MAP2: variants seen among roughly 807,000 people sequenced by gnomAD.
MAP2 encodes the protein microtubule associated protein 2, also known as microtubule-associated protein 2.
In MAP2, 14 loss-of-function variants were observed where a neutral mutation model predicts 137.6. That is an observed-to-expected ratio of 0.10 (90% confidence interval 0.07 to 0.16). MAP2 has a LOEUF of 0.16. Among genes scored for constraint, MAP2 ranks in the 10% least tolerant of loss-of-function variants. MAP2 has a pLI of 1.00. For synonymous variants in MAP2, 786 were observed against 782.3 expected (o/e 1.00, Z -0.08); for missense variants, 2,088 against 2,191.5 (o/e 0.95, Z 0.94).
At chr2:209,602,827 A>C (rs1334811278) in intron 3 of MAP2, among the ~76,000 whole-genome samples, 1 of 152,174 alleles carries the variant, frequency 6.6e-6, no homozygotes, top group East Asian at 1.9e-4. Context: ...AATATTACAC[A>C]TTATAATTCT....
At chr2:209,572,391 A>G (rs2074543964) in intron 2 of MAP2, among the ~76,000 whole-genome samples, 1 of 152,078 alleles carries the variant, frequency 6.6e-6, no homozygotes, top group East Asian at 1.9e-4. Flanking sequence ...AGTTCAGTGG[A>G]GATACTAAAT....
At chr2:209,617,149 C>A (rs541318309) in intron 3 of MAP2, among the ~76,000 whole-genome samples, 1 of 151,942 alleles carries the variant, frequency 6.6e-6, no homozygotes, top group African/African-American at 2.4e-5. Context: ...CTATGACCCA[C>A]CTTAAGGAAC....
intron 4 of MAP2, among the ~76,000 whole-genome samples, chr2:209,631,034 AAGAGAG>A (rs869180815): frequency 3.0e-5 from 3 of 100,662 alleles, no homozygotes; most frequent in African/African-American, 1.9e-4. Flanking sequence ...AAAAAAAAAA[AAGAGAG>A]AGAGAGAGCG....
At chr2:209,456,384 G>A (rs1031814007) in intron 1 of MAP2, among the ~76,000 whole-genome samples, 1 of 152,132 alleles carries the variant, frequency 6.6e-6, no homozygotes, top group African/African-American at 2.4e-5. Flanking sequence ...GCCAGTTTAA[G>A]GTAATGTACC....
rs2075893485 is a variant in MAP2 at position 209,732,424 on chromosome 2, A to T, written c.*2027A>T. ...CTATAAATCAGTTATTTTATATGAC[A>T]GTCAAAACCTTAGAAACCTTAGGAT... On this transcript the variant is annotated 3_prime_UTR_variant, in exon 16 of 16. Coordinates refer to ENST00000682079, the MANE Select transcript of MAP2 (RefSeq NM_001375505.1). 1 of 152,248 alleles carries T rather than the reference A, an allele frequency of 6.6e-6. No homozygotes were observed. Among genetic ancestry groups the T allele is most frequent in the Non-Finnish European group, 1.5e-5 (1 of 68,050 alleles). The allele number at this position is 152,248 out of a possible 1,614,324, so 9.4% of individuals were successfully genotyped here.
intron 2 of MAP2, among the ~76,000 whole-genome samples, chr2:209,508,589 CA>C (rs2061362064): frequency 1.3e-4 from 2 of 15,116 alleles, no homozygotes; most frequent in African/African-American, 1.6e-4. Context: ...CTGTCCCACA[CA>C]CACACACACA....
In MAP2 at chr2:209,695,906, G is replaced by A. The variant is rs748992786; in HGVS notation, c.3736G>A (p.Asp1246Asn). The change falls in exon 8 of 16, where the codon GAT becomes AAT. Residue 1246 changes from aspartate (D) to asparagine (N), a missense_variant. By Grantham distance (23) the Asp-to-Asn change is conservative (BLOSUM62 1). This residue lies in a region of MAP2 where 591 missense variants were observed against 642.6 expected (regional missense o/e 0.92). Transcript: ENST00000682079. ...EEEIEAQGEY[D>N]KLLFRSDTLQ... is the part of the protein sequence containing the mutation. The stretch of plus-strand genomic sequence containing the variant: ...AGAGATAGAAGCCCAGGGAGAATAT[G>A]ATAAACTGCTCTTCCGCTCAGACAC... 2 of 1,613,962 alleles carry A rather than the reference G, an allele frequency of 1.2e-6. No individual in the cohort carries two copies. Among genetic ancestry groups the A allele is most frequent in the East Asian group, 2.2e-5 (1 of 44,872 alleles).
intron 2 of MAP2, among the ~76,000 whole-genome samples, chr2:209,549,917 C>T (rs999250316): frequency 4.6e-5 from 7 of 152,266 alleles, no homozygotes; most frequent in African/African-American, 7.2e-5. Flanking sequence ...TAAGTTTACT[C>T]GTCTTTACAG....
intron 4 of MAP2, among the ~76,000 whole-genome samples, chr2:209,646,122 G>A (rs576800337): frequency 5.1e-4 from 78 of 152,240 alleles, no homozygotes; most frequent in African/African-American, 1.4e-3. Context: ...ACTTGAGCCC[G>A]GGAGGTTGAG....
At chr2:209,502,802 A>G (rs1445144622) in intron 1 of MAP2, among the ~76,000 whole-genome samples, 1 of 152,028 alleles carries the variant, frequency 6.6e-6, no homozygotes, top group Non-Finnish European at 1.5e-5. Context: ...TAGCTATCTC[A>G]TTGTGGTTTT....
At position 209,653,368 on chromosome 2, in the gene MAP2, C is replaced by G. The variant is rs572003054; in HGVS notation, c.198C>G (p.Thr66=). The change falls in exon 5 of 16, where the codon ACC becomes ACG. Residue 66 remains threonine, a synonymous_variant. Coordinates refer to ENST00000682079, the MANE Select transcript of MAP2 (RefSeq NM_001375505.1). ...TTGGAGAGCATGGGTCACAGGGCACCTATTCAAATACCAAAGAGAATGGGA... is the reference window on the plus strand; with the variant it reads ...TTGGAGAGCATGGGTCACAGGGCACGTATTCAAATACCAAAGAGAATGGGA... The part of the protein sequence containing the change: ...GAFGEHGSQG[T]YSNTKENGIN... The G allele has an allele frequency of 1.7e-5, 28 of 1,613,980 alleles. No homozygotes were observed. The East Asian group carries it at 6.0e-4, about 35-fold the overall frequency.
intron 2 of MAP2, among the ~76,000 whole-genome samples, chr2:209,571,383 A>C (rs184680204): frequency 4.6e-5 from 7 of 152,138 alleles, no homozygotes; most frequent in Non-Finnish European, 1.0e-4. Context: ...AGAGGTAAAC[A>C]GTATTCCGAT....
intron 4 of MAP2, among the ~76,000 whole-genome samples, chr2:209,626,839 A>G (rs1230597495): frequency 2.0e-5 from 3 of 152,154 alleles, no homozygotes; most frequent in Non-Finnish European, 4.4e-5. Context: ...AGTATTATTA[A>G]TTATTATTTC....
chr2:209,702,773 C>G (rs902598234), intron 11 of MAP2, among the ~76,000 whole-genome samples: 2 of 151,978 alleles, frequency 1.3e-5, no homozygotes, highest in Non-Finnish European at 2.9e-5. Flanking sequence ...GACCCAATTA[C>G]ACTTCCCACT....
At chr2:209,476,631 A>G (rs919346044) in intron 1 of MAP2, among the ~76,000 whole-genome samples, 1 of 152,174 alleles carries the variant, frequency 6.6e-6, no homozygotes, top group Non-Finnish European at 1.5e-5. Flanking sequence ...TATGTCTTGA[A>G]AAATATACGA....
intron 13 of MAP2, among the ~76,000 whole-genome samples, chr2:209,714,902 CTTCT>C (rs921074846): frequency 1.3e-5 from 2 of 152,100 alleles, no homozygotes; most frequent in African/African-American, 2.4e-5. Flanking sequence ...ATACCTTAGT[CTTCT>C]TTGTTTGCCT....
chr2:209,672,558 A>C (rs568798163), intron 5 of MAP2, among the ~76,000 whole-genome samples: 4 of 151,902 alleles, frequency 2.6e-5, no homozygotes, highest in Admixed American at 6.6e-5. Context: ...TTACTTAACA[A>C]GGTCTTTTGG....
intron 2 of MAP2, among the ~76,000 whole-genome samples, chr2:209,537,173 CTG>C (rs2066093177): frequency 6.6e-6 from 1 of 152,130 alleles, no homozygotes; most frequent in African/African-American, 2.4e-5. Flanking sequence ...CTTTGTGTCT[CTG>C]TGTCACATTT....
At chr2:209,523,218 T>A (rs1485134739) in intron 2 of MAP2, among the ~76,000 whole-genome samples, 1 of 152,126 alleles carries the variant, frequency 6.6e-6, no homozygotes, top group African/African-American at 2.4e-5. Flanking sequence ...CCGAATGCAA[T>A]CTCTCATGGC....
Sources: allele counts gnomAD v4.1 joint callset (sites outside exome capture counted in the v4.1 genomes callset), GRCh38; gene constraint gnomAD v4.1.1; regional missense constraint gnomAD v4.1.1; transcripts MANE v1.5; gene names NCBI Gene and HGNC (gene_info 2026-07-23, HGNC 2026-07-21).